Variants in MTDH observed in about 807,000 individuals in gnomAD.
MTDH encodes metadherin, also known as protein LYRIC.
A neutral mutation model predicts 72.7 loss-of-function variants in MTDH; 34 were observed. The ratio of observed to expected loss-of-function variants is 0.47; its 90% CI spans 0.36 to 0.62. MTDH has a LOEUF of 0.62. MTDH is among the 20% of genes least tolerant of loss of function. The pLI is 0.00. For synonymous variants in MTDH, 266 were observed against 268.9 expected (o/e 0.99, Z 0.10); for missense variants, 677 against 699.4 (o/e 0.97, Z 0.36).
chr8:97,661,938 A>G (rs1201244297), intron 2 of MTDH, among the ~76,000 whole-genome samples: 1 of 151,858 alleles, frequency 6.6e-6, no homozygotes, highest in African/African-American at 2.4e-5. Flanking sequence ...AAAAAAAGAA[A>G]AAAGATATAG....
chr8:97,667,213 C>T (rs1368315861), intron 2 of MTDH, among the ~76,000 whole-genome samples: 2 of 152,132 alleles, frequency 1.3e-5, no homozygotes, highest in East Asian at 3.9e-4. Context: ...TTGAACTCCT[C>T]AGCTCAAAGC....
chr8:97,673,889 T>C (rs1446083427), intron 2 of MTDH, among the ~76,000 whole-genome samples: 1 of 151,252 alleles, frequency 6.6e-6, no homozygotes, highest in African/African-American at 2.4e-5. Context: ...GTAGGAGCAT[T>C]GCTTGAGCCC....
intron 10 of MTDH, among the ~76,000 whole-genome samples, chr8:97,719,492 C>CA (rs11383714): frequency 0.12 from 9,524 of 79,498 alleles, 1,391 homozygotes; most frequent in African/African-American, 0.32. Context: ...GACACTGTCT[C>CA]AAAAAAAAAA....
At chr8:97,653,132 A>G (rs1811840523) in intron 1 of MTDH, among the ~76,000 whole-genome samples, 1 of 152,182 alleles carries the variant, frequency 6.6e-6, no homozygotes, top group Admixed American at 6.5e-5. Context: ...AAAGAAAAAA[A>G]AAAAAAGAAT....
chr8:97,661,716 G>A (rs1812176550), intron 2 of MTDH, among the ~76,000 whole-genome samples: 1 of 152,108 alleles, frequency 6.6e-6, no homozygotes, highest in Admixed American at 6.5e-5. Flanking sequence ...GCCGAAGTGG[G>A]TAGATTGCTT....
intron 2 of MTDH, among the ~76,000 whole-genome samples, chr8:97,669,627 A>T (rs1297678601): frequency 6.6e-6 from 1 of 152,018 alleles, no homozygotes; most frequent in Non-Finnish European, 1.5e-5. Flanking sequence ...CTCTTAAAAT[A>T]CTACTCCCGC....
chr8:97,686,757 T>A lies in MTDH; in HGVS notation c.568+5T>A. On this transcript the variant is annotated splice_donor_5th_base_variant and intron_variant, in intron 3 of 11. Coordinates refer to ENST00000336273, the MANE Select transcript of MTDH (RefSeq NM_178812.4). ...ATGGAAAGGAAGTTGATGAAGGTAC[T>A]TGAGCAAGGGAAAGGACTGTAGAAA... 6.3e-7 allele frequency: 1 copy of A among 1,589,952 alleles called. No individual in the cohort carries two copies. The highest frequency in any genetic ancestry group is 8.6e-7 in the Non-Finnish European group (1 of 1,167,818).
intron 2 of MTDH, among the ~76,000 whole-genome samples, chr8:97,667,140 A>G (rs980835778): frequency 6.6e-6 from 1 of 152,156 alleles, no homozygotes; most frequent in Non-Finnish European, 1.5e-5. Flanking sequence ...GCAGATGCAC[A>G]CTACCATGTG....
intron 2 of MTDH, among the ~76,000 whole-genome samples, chr8:97,672,332 A>C (rs1812658247): frequency 6.6e-6 from 1 of 152,066 alleles, no homozygotes; most frequent in South Asian, 2.1e-4. Flanking sequence ...TTCTCATTGT[A>C]GTCCTTTGGA....
At chr8:97,671,245 G>T (rs897363667) in intron 2 of MTDH, among the ~76,000 whole-genome samples, 4 of 152,110 alleles carry the variant, frequency 2.6e-5, no homozygotes, top group African/African-American at 7.2e-5. Flanking sequence ...GGGATTACAG[G>T]CATGAGCCAT....
intron 10 of MTDH, among the ~76,000 whole-genome samples, chr8:97,722,460 G>C (rs1379869666): frequency 6.6e-6 from 1 of 152,024 alleles, no homozygotes; most frequent in Non-Finnish European, 1.5e-5. Flanking sequence ...AAAATAGCTG[G>C]GCGTGGTGGC....
chr8:97,686,549 A>T, intron 2 of MTDH, 119 bp from the exon 3 acceptor site: 1 of 501,098 alleles, frequency 2.0e-6, no homozygotes, highest in Non-Finnish European at 3.3e-6. Context: ...TAAGTTTTTT[A>T]AATCAAACAT....
chr8:97,697,488 C>T (rs1563554528), intron 6 of MTDH, among the ~76,000 whole-genome samples: 3 of 144,044 alleles, frequency 2.1e-5, no homozygotes, highest in African/African-American at 2.6e-5. Context: ...CTGGTTCAAA[C>T]GATTCTCCTG....
In MTDH at chr8:97,682,403, A is replaced by G. The variant is rs1165178757; in HGVS notation, c.484-4265A>G. Among the ~76,000 whole-genome samples, 20 of 139,242 alleles carry G rather than the reference A, an allele frequency of 1.4e-4. No individual in the cohort carries two copies. The Admixed American group carries it at 1.5e-3, about 11-fold the overall frequency. 91.3% of individuals were successfully genotyped at this position (139,242 alleles called of 152,430 possible). ...AACCTCCGCCTCCCAGGTTCAAGCG[A>G]TTCTCCTGCCTCAGCCTCCCGAGTA... On this transcript the variant is annotated intron_variant, in intron 2 of 11. Coordinates refer to ENST00000336273, the MANE Select transcript of MTDH (RefSeq NM_178812.4).
At chr8:97,686,573 G>T in intron 2 of MTDH, 95 bp from the exon 3 acceptor site, 3 of 613,576 alleles carry the variant, frequency 4.9e-6, no homozygotes, top group South Asian at 3.7e-5. Flanking sequence ...TTTTTTTTTA[G>T]TTGTCAGCAT....
chr8:97,681,616 C>T (rs1164365113), intron 2 of MTDH, among the ~76,000 whole-genome samples: 1 of 151,166 alleles, frequency 6.6e-6, no homozygotes, highest in Non-Finnish European at 1.5e-5. Context: ...GCCTCAGCCT[C>T]CCGAGTAGCT....
At position 97,724,886 on chromosome 8, in the gene MTDH, G is replaced by A; in HGVS notation, c.*216G>A. Reference sequence around the variant, plus strand: ...ATATACTCAGTGATGGAAGACACTTGGGAAAGTCTTTTTAATAGAACAAGA... The same window carrying A: ...ATATACTCAGTGATGGAAGACACTTAGGAAAGTCTTTTTAATAGAACAAGA... On this transcript the variant is annotated 3_prime_UTR_variant, in exon 12 of 12. Coordinates refer to ENST00000336273, the MANE Select transcript of MTDH (RefSeq NM_178812.4). The A allele has an allele frequency of 2.7e-6, 1 of 376,960 alleles. No homozygotes were observed. 23.4% of individuals were successfully genotyped at this position (376,960 alleles called of 1,614,324 possible).
intron 8 of MTDH, among the ~76,000 whole-genome samples, chr8:97,708,858 C>A (rs947609445): frequency 2.1e-4 from 32 of 152,014 alleles, no homozygotes; most frequent in African/African-American, 7.5e-4. Context: ...CCTTGGCCCC[C>A]CAGAGTGCTG....
intron 11 of MTDH, among the ~76,000 whole-genome samples, chr8:97,724,399 A>G (rs1815275434): frequency 6.6e-6 from 1 of 152,152 alleles, no homozygotes. Flanking sequence ...ATATAGTTCA[A>G]CCTAATAATA....
Sources: allele counts gnomAD v4.1 joint callset (sites outside exome capture counted in the v4.1 genomes callset), GRCh38; gene constraint gnomAD v4.1.1; transcripts MANE v1.5; gene names NCBI Gene and HGNC (gene_info 2026-07-23, HGNC 2026-07-21).